Variants in FTO observed in about 807,000 individuals in gnomAD.
The protein encoded by FTO is FTO alpha-ketoglutarate dependent dioxygenase.
Under a neutral mutation model 63.9 loss-of-function variants are expected in FTO, and 47 were observed. The observed-to-expected ratio is 0.74, with a 90% confidence interval of 0.58 to 0.94. The LOEUF is 0.94. Ranked by LOEUF, FTO falls within the 40% of genes least tolerant of loss-of-function variation. The pLI is 0.00. For synonymous variants in FTO, 207 were observed against 224.4 expected, an observed-to-expected ratio of 0.92 and a Z score of 0.69; for missense variants, 562 against 618.1, an observed-to-expected ratio of 0.91 and a Z score of 0.96.
In FTO at chr16:53,864,274, G is replaced by A. The variant is rs556473492; in HGVS notation, c.896-9512G>A. ...CAAGAGTGCCTTTAGCAAAAGTCATGATTGTTTCTCTAAGAAATTTGGGTG... is the reference window on the plus strand; with the variant it reads ...CAAGAGTGCCTTTAGCAAAAGTCATAATTGTTTCTCTAAGAAATTTGGGTG... On this transcript the variant is annotated intron_variant, in intron 4 of 8. Transcript: ENST00000471389. Among the ~76,000 whole-genome samples, 4 of 152,298 alleles carry A rather than the reference G, an allele frequency of 2.6e-5. No homozygotes were observed. The East Asian group carries it at 7.7e-4, about 29-fold the overall frequency.
chr16:53,732,337 C>T (rs550190833), intron 1 of FTO, among the ~76,000 whole-genome samples: 1 of 152,348 alleles, frequency 6.6e-6, no homozygotes, highest in South Asian at 2.1e-4. Context: ...AAGCATGAGC[C>T]ACCATGCCTG....
rs1490619800 is a variant in FTO, at chr16:53,785,927, AAAAG to A, written c.46-24208_46-24205del. On this transcript the variant is annotated intron_variant, in intron 1 of 8. Transcript: ENST00000471389. ...CCATCTCAAAAAGAAAAAAAAAAAA[AAAAG>A]AAAGTCATGATAAAGAGTGTGGATT... Among the ~76,000 whole-genome samples, 60 of 152,008 alleles carry A rather than the reference AAAAG, an allele frequency of 3.9e-4. 1 individual carries two copies. The highest frequency in any genetic ancestry group is 1.4e-3 in the African/African-American group (60 of 41,518).
chr16:53,756,121 A>G (rs1451384328), intron 1 of FTO, among the ~76,000 whole-genome samples: 2 of 152,210 alleles, frequency 1.3e-5, no homozygotes, highest in Admixed American at 1.3e-4. Flanking sequence ...AAAACAACCT[A>G]CAAAAAGATC....
At chr16:53,805,744 C>A (rs1244646073) in intron 1 of FTO, among the ~76,000 whole-genome samples, 1 of 152,180 alleles carries the variant, frequency 6.6e-6, no homozygotes, top group Non-Finnish European at 1.5e-5. Context: ...GCCACTGCAA[C>A]TGGCTGTGGT....
chr16:53,864,739 GA>G (rs1000886063), intron 4 of FTO, among the ~76,000 whole-genome samples: 1 of 152,102 alleles, frequency 6.6e-6, no homozygotes, highest in Non-Finnish European at 1.5e-5. Flanking sequence ...AAATTATTAG[GA>G]ATAATCTTTT....
intron 1 of FTO, among the ~76,000 whole-genome samples, chr16:53,722,172 C>T (rs557822345): frequency 6.6e-6 from 1 of 152,178 alleles, no homozygotes; most frequent in South Asian, 2.1e-4. Context: ...ATGATACTAA[C>T]GGTAAGTTTG....
chr16:53,913,957 C>T (rs1021393015), intron 7 of FTO, among the ~76,000 whole-genome samples: 5 of 147,710 alleles, frequency 3.4e-5, no homozygotes, highest in Non-Finnish European at 7.4e-5. Flanking sequence ...CCGGCTTGGG[C>T]GGCAGAGTGA....
At chr16:53,721,838 A>AT (rs1477230246) in intron 1 of FTO, among the ~76,000 whole-genome samples, 1 of 151,868 alleles carries the variant, frequency 6.6e-6, no homozygotes, top group Non-Finnish European at 1.5e-5. Context: ...CTGACCCCAT[A>AT]TTTTTTTTAA....
chr16:53,748,033 A>G (rs565460106), intron 1 of FTO, among the ~76,000 whole-genome samples: 2 of 152,216 alleles, frequency 1.3e-5, no homozygotes, highest in Non-Finnish European at 2.9e-5. Flanking sequence ...TTTCACTAGT[A>G]CCATGCTGTT....
At chr16:53,780,095 C>G (rs983818697) in intron 1 of FTO, among the ~76,000 whole-genome samples, 1 of 152,116 alleles carries the variant, frequency 6.6e-6, no homozygotes. Flanking sequence ...TCTTCAGTGA[C>G]TTAATGACAA....
intron 1 of FTO, among the ~76,000 whole-genome samples, chr16:53,802,898 C>T (rs964312567): frequency 3.3e-5 from 5 of 152,122 alleles, no homozygotes; most frequent in African/African-American, 9.7e-5. Flanking sequence ...CTTGATTTAA[C>T]GTTATTTCTG....
Position 53,971,861 on chromosome 16 carries a change from G to A in FTO, c.1364+37752G>A, listed in dbSNP as rs375765060. Among the ~76,000 whole-genome samples, 161 of 152,298 alleles carry A rather than the reference G, an allele frequency of 1.1e-3. 6 individuals are homozygous for A. In the South Asian group the frequency reaches 0.032, roughly 31 times the overall value. On this transcript the variant is annotated intron_variant, in intron 8 of 8. Coordinates refer to ENST00000471389, the MANE Select transcript of FTO (RefSeq NM_001080432.3). Reference sequence around the variant, plus strand: ...GAAGCCATCTAATAAAATCCCATCCGCGCTGTTCTATGAAATGCAGTCACA... The same window carrying A: ...GAAGCCATCTAATAAAATCCCATCCACGCTGTTCTATGAAATGCAGTCACA...
chr16:53,765,959 T>G (rs1248587421), intron 1 of FTO, among the ~76,000 whole-genome samples: 2 of 152,178 alleles, frequency 1.3e-5, no homozygotes, highest in East Asian at 3.8e-4. Flanking sequence ...TTACTCTGAT[T>G]TGATTTCTAT....
chr16:54,083,406 C>G (rs1405007655), intron 8 of FTO, among the ~76,000 whole-genome samples: 1 of 152,066 alleles, frequency 6.6e-6, no homozygotes, highest in Non-Finnish European at 1.5e-5. Context: ...TCTTTAAAGC[C>G]GAAAGCTTCA....
At chr16:54,023,902 A>C (rs1172727825) in intron 8 of FTO, among the ~76,000 whole-genome samples, 1 of 152,170 alleles carries the variant, frequency 6.6e-6, no homozygotes, top group Non-Finnish European at 1.5e-5. Flanking sequence ...TGTTGAGTAC[A>C]TGAAATTTTG....
chr16:53,975,207 GTT>G (rs201129496), intron 8 of FTO, among the ~76,000 whole-genome samples: 4 of 144,184 alleles, frequency 2.8e-5, no homozygotes. Flanking sequence ...AATATTGTAA[GTT>G]TTTTTTTTTT....
intron 8 of FTO, chr16:53,937,151 C>T (rs182849815): frequency 2.5e-6 from 1 of 398,274 alleles, no homozygotes; most frequent in African/African-American, 2.1e-5. Context: ...ACTCTAGAGG[C>T]ACATCTGAGT....
chr16:53,794,447 C>G (rs139741475), intron 1 of FTO, among the ~76,000 whole-genome samples: 2 of 152,174 alleles, frequency 1.3e-5, no homozygotes, highest in African/African-American at 2.4e-5. Flanking sequence ...TGCAGAGGCT[C>G]TGGATGGAGA....
intron 8 of FTO, among the ~76,000 whole-genome samples, chr16:53,995,708 A>G (rs879458137): frequency 6.6e-5 from 10 of 152,178 alleles, no homozygotes; most frequent in South Asian, 6.2e-4. Flanking sequence ...CTTCACCCCA[A>G]TGAGAGAATC....
Sources: gnomAD v4.1 joint callset for allele counts (sites outside exome capture counted in the v4.1 genomes callset) on GRCh38, gnomAD v4.1.1 for gene constraint, MANE v1.5 for transcripts, NCBI Gene and HGNC (gene_info 2026-07-23, HGNC 2026-07-21) for gene names.